The following ITGA5 variants were observed in gnomAD, a reference collection of about 807,000 sequenced individuals.
The protein encoded by ITGA5 is integrin subunit alpha 5, also known as integrin alpha-5.
In ITGA5, 55 loss-of-function variants were observed where a neutral mutation model predicts 146.3. The ratio of observed to expected loss-of-function variants is 0.38; its 90% CI spans 0.30 to 0.47. The LOEUF is 0.47. Ranked by LOEUF, ITGA5 falls within the 20% of genes least tolerant of loss-of-function variation. ITGA5 has a pLI of 0.99. For missense variants in ITGA5, 1,131 were observed against 1,329.0 expected, an observed-to-expected ratio of 0.85 and a Z score of 2.32; for synonymous variants, 500 against 531.8, an observed-to-expected ratio of 0.94 and a Z score of 0.82.
Position 54,404,762 on chromosome 12 carries a change from G to A in ITGA5, c.1358C>T (p.Pro453Leu). 6.2e-7 allele frequency: 1 copy of A among 1,614,142 alleles called. No homozygotes were observed. Among genetic ancestry groups the A allele is most frequent in the South Asian group, 1.1e-5 (1 of 91,080 alleles). Residue 453 changes from proline to leucine, a missense_variant, in exon 13 of 30, where the codon CCA becomes CTA. Around this residue, in one of 3 missense-constraint regions of ITGA5, gnomAD observed 889 missense variants for 1,021.5 expected, o/e 0.87. Coordinates refer to ENST00000293379, the MANE Select transcript of ITGA5 (RefSeq NM_002205.5). Reference sequence around the variant, plus strand: ...TCGAAGGGCAGAGCCAAAGAAGTCTGGGGTGTGGCTGGCTGCCCACAGGGG... The same window carrying A: ...TCGAAGGGCAGAGCCAAAGAAGTCTAGGGTGTGGCTGGCTGCCCACAGGGG... The part of the protein sequence containing the change: ...LQPLWAASHT[P>L]DFFGSALRGG...
intron 2 of ITGA5, among the ~76,000 whole-genome samples, chr12:54,410,348 T>C (rs1433253610): frequency 0.065 from 127 of 1,948 alleles, 1 homozygote; most frequent in African/African-American, 0.23. Flanking sequence ...TTCCACCTCC[T>C]TTTTTTTTTT....
At position 54,405,644 on chromosome 12, in the gene ITGA5, G is replaced by T; in HGVS notation, c.1016+20C>A. ...TGGTTCTGGGAGGGTATCACAGTGC[G>T]CTCATTTCCCACCACTCACCCGTCC... On this transcript the variant is annotated intron_variant, in intron 11 of 29. Transcript: ENST00000293379. The T allele has an allele frequency of 6.2e-7, 1 of 1,602,964 alleles. No homozygotes were observed. The highest frequency in any genetic ancestry group is 8.5e-7 in the Non-Finnish European group (1 of 1,170,476).
Position 54,399,676 on chromosome 12 carries a change from T to C in ITGA5, c.2810A>G (p.His937Arg). 6.2e-7 allele frequency: 1 copy of C among 1,614,146 alleles called. No individual in the cohort carries two copies. The change falls in exon 27 of 30, where the codon CAT becomes CGT. Residue 937 changes from histidine to arginine, a missense_variant. Physicochemically the swap from His to Arg is conservative, Grantham distance 29 (BLOSUM62 0). Coordinates refer to ENST00000293379, the MANE Select transcript of ITGA5 (RefSeq NM_002205.5). The stretch of plus-strand genomic sequence containing the variant: ...GAAAGTCTTGGCCCAGACTCGGAAA[T>C]GCAACTGCAGACTTTGGCTCTCTTG... ...HQQESQSLQL[H>R]FRVWAKTFLQ...
intron 28 of ITGA5, 50 bp downstream of exon 28, chr12:54,398,547 G>T: frequency 2.2e-6 from 3 of 1,347,978 alleles, no homozygotes; most frequent in Non-Finnish European, 3.2e-6. Context: ...CCCTGTTCCA[G>T]CACTCTGAGC....
chr12:54,405,168 T>G lies in ITGA5; in HGVS notation c.1223A>C (p.Asn408Thr). 1.3e-6 allele frequency: 2 copies of G among 1,596,002 alleles called. No homozygotes were observed. Among genetic ancestry groups the G allele is most frequent in the Non-Finnish European group, 1.7e-6 (2 of 1,168,796 alleles). ...CTCTCTGAGCCCATGGTACTCACCA[T>G]TGTAGCCATCCTGGTCCAGGTCCCC... is the stretch of plus-strand genomic sequence containing the variant. ...PLGDLDQDGYNDVAIGAPFGG... is the reference protein window; with the variant it reads ...PLGDLDQDGYTDVAIGAPFGG... Residue 408 changes from asparagine (N) to threonine (T), a missense_variant and splice_region_variant, in exon 12 of 30, where the codon AAT becomes ACT. By Grantham distance (65) the Asn-to-Thr change is moderately conservative (BLOSUM62 0). This residue lies in a region of ITGA5 where 889 missense variants were observed against 1,021.5 expected (regional missense o/e 0.87). Transcript: ENST00000293379.
chr12:54,400,129 T>C, intron 25 of ITGA5, 182 bp from the exon 26 acceptor site: 1 of 589,058 alleles, frequency 1.7e-6, no homozygotes, highest in Non-Finnish European at 3.0e-6. Flanking sequence ...TGAGGAAAAC[T>C]TGGTTCTTGG....
At chr12:54,411,140 G>A (rs867226670) in intron 2 of ITGA5, among the ~76,000 whole-genome samples, 60 of 152,342 alleles carry the variant, frequency 3.9e-4, no homozygotes, top group African/African-American at 1.4e-3. Flanking sequence ...GGGATTACAG[G>A]CACATGCCAC....
At chr12:54,402,131 C>T (rs1195206708) in intron 20 of ITGA5, 38 bp from the exon 21 acceptor site, 3 of 1,613,834 alleles carry the variant, frequency 1.9e-6, no homozygotes, top group Admixed American at 3.3e-5. Flanking sequence ...TTTTGGTGTC[C>T]CCTCTAGAGG....
In ITGA5 at chr12:54,396,257, G is replaced by A. The variant is rs368357659; in HGVS notation, c.*36C>T. 3 of 1,514,782 alleles carry A rather than the reference G, an allele frequency of 2.0e-6. No homozygotes were observed. The highest frequency in any genetic ancestry group is 2.8e-6 in the Non-Finnish European group (3 of 1,090,366). The allele number at this position is 1,514,782 out of a possible 1,614,324, so 93.8% of individuals were successfully genotyped here. A position where few individuals can be genotyped will look rare whatever the true frequency, so the allele number is the denominator to read the frequency against. The stretch of plus-strand genomic sequence containing the variant: ...TCAGTAGAATGAGGGTGGGGGGACT[G>A]GTTCTTCAGGAATGGGAGTCTGAAA... On this transcript the variant is annotated 3_prime_UTR_variant, in exon 30 of 30. Coordinates refer to ENST00000293379, the MANE Select transcript of ITGA5 (RefSeq NM_002205.5).
rs536116372 is a variant in ITGA5, at chr12:54,406,932, G to A, written c.906+717C>T. Among the ~76,000 whole-genome samples the A allele has an allele frequency of 3.5e-4, 53 of 152,318 alleles. 2 individuals carry two copies. The South Asian group carries it at 0.011, about 31-fold the overall frequency. On this transcript the variant is annotated intron_variant, in intron 9 of 29. Coordinates refer to ENST00000293379, the MANE Select transcript of ITGA5 (RefSeq NM_002205.5). The stretch of plus-strand genomic sequence containing the variant: ...AAGTTTACCAAAATGCAGAAAGAAT[G>A]CTGATTTTGGATTAAGAGAGACCTG...
rs201213536 is a variant in ITGA5, at chr12:54,401,890, G to C, written c.2227-35C>G. The C allele has an allele frequency of 1.9e-6, 3 of 1,607,672 alleles. No individual in the cohort carries two copies. Among genetic ancestry groups the C allele is most frequent in the African/African-American group, 2.7e-5 (2 of 74,898 alleles). On this transcript the variant is annotated intron_variant, in intron 21 of 29. Coordinates refer to ENST00000293379, the MANE Select transcript of ITGA5 (RefSeq NM_002205.5). This position sits in a 1 kb window ranked among gnomAD's most constrained non-coding sequence, Gnocchi z 5.0. ...GAAAAAGAGGAAAAGAGGGCAGTTA[G>C]ACTGTGTATTTCACCCTCCCTCCGC... is the stretch of plus-strand genomic sequence containing the variant.
intron 1 of ITGA5, among the ~76,000 whole-genome samples, chr12:54,417,802 G>T (rs1439295239): frequency 6.6e-6 from 1 of 152,102 alleles, no homozygotes; most frequent in Non-Finnish European, 1.5e-5. Context: ...AGTCATTGTG[G>T]AGGACCAGGA....
In ITGA5 at chr12:54,403,355, AG is replaced by A. The variant is rs767854011; in HGVS notation, c.1777-32del. 3 of 1,502,808 alleles carry A rather than the reference AG, an allele frequency of 2.0e-6. No individual in the cohort carries two copies. Among genetic ancestry groups the A allele is most frequent in the East Asian group, 2.3e-5 (1 of 42,980 alleles). 93.1% of individuals were successfully genotyped at this position (1,502,808 alleles called of 1,614,324 possible). A position where few individuals can be genotyped will look rare whatever the true frequency, so the allele number is the denominator to read the frequency against. On this transcript the variant is annotated intron_variant, in intron 17 of 29. Transcript: ENST00000293379. This position sits in a 1 kb window ranked among gnomAD's most constrained non-coding sequence, Gnocchi z 4.9. ...GCCAGAGGAGAGAGTTCACGGAGTC[AG>A]GGGACTCTGGAGACTTAGTGGCCCT...
At chr12:54,404,370 G>A in intron 14 of ITGA5, 60 bp downstream of exon 14, 1 of 1,592,772 alleles carries the variant, frequency 6.3e-7, no homozygotes, top group Non-Finnish European at 8.6e-7. Context: ...CAGCTCTGTT[G>A]AGAAATTTCC....
At position 54,401,715 on chromosome 12, in the gene ITGA5, G is replaced by A. The variant is rs1447159795; in HGVS notation, c.2307-50C>T. On this transcript the variant is annotated intron_variant, in intron 22 of 29. Coordinates refer to ENST00000293379, the MANE Select transcript of ITGA5 (RefSeq NM_002205.5). The surrounding 1 kb of genome is among the most constrained non-coding windows in gnomAD (Gnocchi z 5.0). ...GTGCTGGAGTGCAGCCAGTGAGAAT[G>A]GCGCCCAGCCCTCCCTTCCGTCCCC... is the stretch of plus-strand genomic sequence containing the variant. 6.8e-6 allele frequency: 11 copies of A among 1,611,164 alleles called. No individual in the cohort carries two copies. In the African/African-American group the frequency reaches 1.1e-4, roughly 16 times the overall value.
chr12:54,411,303 T>C (rs1027433210), intron 2 of ITGA5, among the ~76,000 whole-genome samples: 46 of 152,218 alleles, frequency 3.0e-4, no homozygotes, highest in Non-Finnish European at 1.8e-4. Context: ...TATACAGTTG[T>C]TGAAAAGATT....
chr12:54,397,519 G>A, intron 28 of ITGA5, 32 bp from the exon 29 acceptor site: 1 of 1,612,598 alleles, frequency 6.2e-7, no homozygotes, highest in Non-Finnish European at 8.5e-7. Flanking sequence ...GTCAATGAAA[G>A]CTCAGAAGTT....
At position 54,409,044 on chromosome 12, in the gene ITGA5, G is replaced by T; in HGVS notation, c.584-90C>A. 1 of 1,460,248 alleles carries T rather than the reference G, an allele frequency of 6.8e-7. No individual in the cohort carries two copies. The highest frequency in any genetic ancestry group is 9.5e-7 in the Non-Finnish European group (1 of 1,049,402). 90.5% of individuals were successfully genotyped at this position (1,460,248 alleles called of 1,614,324 possible). A position where few individuals can be genotyped will look rare whatever the true frequency, so the allele number is the denominator to read the frequency against. Reference sequence around the variant, plus strand: ...GGCATAGGGAAGGAGGTGGGAGAGAGAACCAGAGAAAGGGCCTTCCTGGAC... The same window carrying T: ...GGCATAGGGAAGGAGGTGGGAGAGATAACCAGAGAAAGGGCCTTCCTGGAC... On this transcript the variant is annotated intron_variant, in intron 4 of 29. Transcript: ENST00000293379. This position sits in a 1 kb window ranked among gnomAD's most constrained non-coding sequence, Gnocchi z 4.7.
At chr12:54,414,555 A>G (rs1955981847) in intron 1 of ITGA5, among the ~76,000 whole-genome samples, 1 of 152,200 alleles carries the variant, frequency 6.6e-6, no homozygotes, top group Admixed American at 6.5e-5. Context: ...TTAATAAAAA[A>G]TGAGAAAAGC....
Sources: allele counts gnomAD v4.1 joint callset (sites outside exome capture counted in the v4.1 genomes callset), GRCh38; gene constraint gnomAD v4.1.1; regional missense constraint gnomAD v4.1.1; non-coding constraint Gnocchi (gnomAD v3.1); transcripts MANE v1.5; gene names NCBI Gene and HGNC (gene_info 2026-07-23, HGNC 2026-07-21).